Variants in ZNF821 observed in about 807,000 individuals in gnomAD.
The protein encoded by ZNF821 is zinc finger protein 821.
A neutral mutation model predicts 44.3 loss-of-function variants in ZNF821; 16 were observed. The ratio of observed to expected loss-of-function variants is 0.36; its 90% CI spans 0.24 to 0.55. ZNF821 has a LOEUF of 0.55. Among genes scored for constraint, ZNF821 ranks in the 20% least tolerant of loss-of-function variants. ZNF821 has a pLI of 0.86. For missense variants in ZNF821, 436 were observed against 547.6 expected (o/e 0.80, Z 2.03); for synonymous variants, 204 against 197.6 (o/e 1.03, Z -0.27).
chr16:71,888,353 C>G (rs1370573390), upstream of ZNF821, among the ~76,000 whole-genome samples: 4 of 152,058 alleles, frequency 2.6e-5, no homozygotes, highest in African/African-American at 9.7e-5. Context: ...CTATCACCGC[C>G]TAGTCATGAA....
intron 3 of ZNF821, among the ~76,000 whole-genome samples, chr16:71,875,869 G>A (rs2035758406): frequency 6.6e-6 from 1 of 152,248 alleles, no homozygotes; most frequent in South Asian, 2.1e-4. Context: ...AAAGTGCTGG[G>A]ATTACAAGCG....
intron 3 of ZNF821, among the ~76,000 whole-genome samples, chr16:71,875,571 A>G (rs2035716235): frequency 1.3e-5 from 2 of 151,418 alleles, no homozygotes; most frequent in Admixed American, 1.3e-4. Context: ...CTCCTGCCTC[A>G]GTCTCCCGAG....
chr16:71,879,271 C>T (rs970876370), intron 3 of ZNF821, among the ~76,000 whole-genome samples: 4 of 152,088 alleles, frequency 2.6e-5, no homozygotes, highest in Non-Finnish European at 5.9e-5. Context: ...TGTGGATTCC[C>T]GCTTCTGTCT....
In ZNF821 at chr16:71,868,114, C is replaced by G. The variant is rs896754656; in HGVS notation, c.41-77G>C. On this transcript the variant is annotated intron_variant, in intron 3 of 7. Coordinates refer to ENST00000425432, the MANE Select transcript of ZNF821 (RefSeq NM_001201552.2). ...CAGGCAAGCTGGTTGGAAGGTCAGA[C>G]CATTCAAAGGTAGGAGACAGGCAGG... 3 of 1,478,528 alleles carry G rather than the reference C, an allele frequency of 2.0e-6. No homozygotes were observed. In the African/African-American group the frequency reaches 4.2e-5, roughly 21 times the overall value. The allele number at this position is 1,478,528 out of a possible 1,614,324, so 91.6% of individuals were successfully genotyped here.
upstream of ZNF821, among the ~76,000 whole-genome samples, chr16:71,886,047 A>G (rs775156937): frequency 3.9e-5 from 6 of 152,326 alleles, no homozygotes; most frequent in Middle Eastern, 3.4e-3. Context: ...GCAAACAGGT[A>G]AAGTTTGCCT....
rs1456064917 is a variant in ZNF821 at position 71,884,056 on chromosome 16, G to GGCCGA, written c.-294_-290dup. The GGCCGA allele has an allele frequency of 6.6e-6, 1 of 152,290 alleles. No individual in the cohort carries two copies. The highest frequency in any genetic ancestry group is 1.5e-5 in the Non-Finnish European group (1 of 68,182). 9.4% of individuals were successfully genotyped at this position (152,290 alleles called of 1,614,324 possible). On this transcript the variant is annotated 5_prime_UTR_variant, in exon 1 of 8. Coordinates refer to ENST00000425432, the MANE Select transcript of ZNF821 (RefSeq NM_001201552.2). ...GCCCCGGCGAGCGGAAGGGGCTCCG[G>GGCCGA]GCCGAGCCGAGCCGGTGGCGGGGAG...
chr16:71,893,526 CTCACA>C (rs2036905094), intron 1 of ZNF821, among the ~76,000 whole-genome samples: 1 of 151,538 alleles, frequency 6.6e-6, no homozygotes, highest in African/African-American at 2.4e-5. Context: ...GTGGCACAAT[CTCACA>C]TCACTGCAAC....
chr16:71,895,068 C>A, exon 1 of ZNF821: 1 of 447,706 alleles, frequency 2.2e-6, no homozygotes. Context: ...CAGGGATACG[C>A]AGGCTTCGAA....
intron 2 of ZNF821, among the ~76,000 whole-genome samples, chr16:71,880,227 C>T (rs1319624154): frequency 6.6e-6 from 1 of 152,188 alleles, no homozygotes; most frequent in Admixed American, 6.6e-5. Flanking sequence ...GGGACTCCCT[C>T]AGAGGACTTA....
upstream of ZNF821, chr16:71,884,632 G>A (rs2142495724): frequency 6.6e-6 from 1 of 152,290 alleles, no homozygotes; most frequent in South Asian, 2.1e-4. Context: ...CGGTGGCTTC[G>A]GCTCCCGAGG....
chr16:71,882,484 C>A (rs1297014537), intron 2 of ZNF821, among the ~76,000 whole-genome samples: 3 of 151,920 alleles, frequency 2.0e-5, no homozygotes, highest in Admixed American at 6.6e-5. Context: ...TAATTTGAAC[C>A]AGACAACATT....
intron 1 of ZNF821, among the ~76,000 whole-genome samples, chr16:71,892,570 AATTT>A (rs2036893945): frequency 7.3e-6 from 1 of 137,786 alleles, no homozygotes; most frequent in Non-Finnish European, 1.6e-5. Context: ...GCCCGGCCAA[AATTT>A]TTTTTTTTTT....
Position 71,870,855 on chromosome 16 carries a change from T to G in ZNF821, c.41-2818A>C, listed in dbSNP as rs1036042999. On this transcript the variant is annotated intron_variant, in intron 3 of 7. Transcript: ENST00000425432. ...CAGACCTAGGAGCTATGGGCAGACA[T>G]AGCACTAAGGAACAAGTTATGTACT... Among the ~76,000 whole-genome samples, 9 of 152,292 alleles carry G rather than the reference T, an allele frequency of 5.9e-5. No individual in the cohort carries two copies. In the South Asian group the frequency reaches 1.7e-3, roughly 28 times the overall value.
chr16:71,861,560 GA>G (rs1189451095), intron 7 of ZNF821, among the ~76,000 whole-genome samples: 1 of 152,222 alleles, frequency 6.6e-6, no homozygotes, highest in Non-Finnish European at 1.5e-5. Context: ...CTTTCTAGTT[GA>G]AGATATTCTG....
At chr16:71,883,023 A>G (rs2036589157) in intron 2 of ZNF821, 188 bp downstream of exon 2, 2 of 434,504 alleles carry the variant, frequency 4.6e-6, no homozygotes, top group Admixed American at 2.7e-5. Context: ...TTCCATTTTA[A>G]AAGGAAAGCA....
chr16:71,879,434 C>T (rs1342264102), intron 3 of ZNF821, among the ~76,000 whole-genome samples: 1 of 152,126 alleles, frequency 6.6e-6, no homozygotes, highest in Non-Finnish European at 1.5e-5. Context: ...TACTTCAGTC[C>T]ACTGAGCTCT....
intron 3 of ZNF821, among the ~76,000 whole-genome samples, chr16:71,875,725 G>A (rs754497429): frequency 2.3e-4 from 35 of 151,746 alleles, no homozygotes; most frequent in Non-Finnish European, 4.4e-5. Context: ...CCCTCCCGAA[G>A]TGCTGGGATT....
upstream of ZNF821, among the ~76,000 whole-genome samples, chr16:71,888,453 A>G (rs566529551): frequency 1.3e-4 from 20 of 152,066 alleles, no homozygotes; most frequent in African/African-American, 4.8e-4. Context: ...ATATGGTGTG[A>G]GGCCGGGGTG....
At chr16:71,862,661 C>T (rs908669948) in intron 6 of ZNF821, among the ~76,000 whole-genome samples, 1 of 152,136 alleles carries the variant, frequency 6.6e-6, no homozygotes, top group Non-Finnish European at 1.5e-5. Context: ...TGGTATGCAA[C>T]AGGTATTTAT....
Sources: allele counts gnomAD v4.1 joint callset (sites outside exome capture counted in the v4.1 genomes callset), GRCh38; gene constraint gnomAD v4.1.1; transcripts MANE v1.5; gene names NCBI Gene and HGNC (gene_info 2026-07-23, HGNC 2026-07-21).